Variants in RAD23B observed in about 807,000 individuals in gnomAD.
RAD23B encodes the protein RAD23 nucleotide excision repair protein B, also known as lysine-specific demethylase RAD23B.
Under a neutral mutation model 49.1 loss-of-function variants are expected in RAD23B, and 5 were observed. The ratio of observed to expected loss-of-function variants is 0.10; its 90% confidence interval spans 0.05 to 0.21. The LOEUF is 0.21. Among genes scored for constraint, RAD23B ranks in the 10% least tolerant of loss-of-function variants. RAD23B has a pLI of 1.00. For missense variants in RAD23B, 356 were observed against 486.7 expected, an observed-to-expected ratio of 0.73 and a Z score of 2.53; for synonymous variants, 184 against 165.4, an observed-to-expected ratio of 1.11 and a Z score of -0.86.
chr9:107,315,986 C>G (rs918853349), intron 5 of RAD23B, among the ~76,000 whole-genome samples: 18 of 151,692 alleles, frequency 1.2e-4, no homozygotes, highest in African/African-American at 4.1e-4. Context: ...GTGTTTGTAT[C>G]TCTGCACCAT....
In RAD23B at chr9:107,298,997, A is replaced by G. The variant is rs142446051; in HGVS notation, c.67-1144A>G. Among the ~76,000 whole-genome samples the G allele has an allele frequency of 1.5e-3, 230 of 152,246 alleles. 1 individual carries two copies. Among genetic ancestry groups the G allele is most frequent in the African/African-American group, 5.1e-3 (214 of 41,560 alleles). ...AAGATCAGTGCAGCAAGGAAGGTTTATATGGTATTTGCAAAATACTCTGCT... is the reference window on the plus strand; with the variant it reads ...AAGATCAGTGCAGCAAGGAAGGTTTGTATGGTATTTGCAAAATACTCTGCT... On this transcript the variant is annotated intron_variant, in intron 1 of 9. Transcript: ENST00000358015.
Position 107,332,006 on chromosome 9 carries a change from T to C in RAD23B, c.*2350T>C. On this transcript the variant is annotated 3_prime_UTR_variant, in exon 10 of 10. Transcript: ENST00000358015. ...TATACTGTCATTTCTTGAAATCTTT[T>C]TCTCGTTTAGTTGCTCTGTGGGAAA... The C allele has an allele frequency of 2.6e-6, 1 of 382,992 alleles. No homozygotes were observed. The highest frequency in any genetic ancestry group is 4.6e-6 in the Non-Finnish European group (1 of 217,086). The allele number at this position is 382,992 out of a possible 1,614,324, so 23.7% of individuals were successfully genotyped here. A position where few individuals can be genotyped will look rare whatever the true frequency, so the allele number is the denominator to read the frequency against.
intron 1 of RAD23B, among the ~76,000 whole-genome samples, chr9:107,288,378 G>A (rs1833317843): frequency 6.6e-6 from 1 of 152,228 alleles, no homozygotes; most frequent in Non-Finnish European, 1.5e-5. Flanking sequence ...AATGGTAAGT[G>A]CTATGCAGAA....
At chr9:107,323,848 GTATTTAC>G (rs1564252588) in intron 7 of RAD23B, 35 bp from the exon 8 acceptor site, 1 of 1,537,046 alleles carries the variant, frequency 6.5e-7, no homozygotes, top group African/African-American at 1.4e-5. Context: ...GTTTGTGTAT[GTATTTAC>G]TGCTTTTGTT....
intron 5 of RAD23B, among the ~76,000 whole-genome samples, chr9:107,314,040 C>CCTTAGT (rs1826942785): frequency 6.6e-6 from 1 of 152,002 alleles, no homozygotes; most frequent in African/African-American, 2.4e-5. Flanking sequence ...CATTTAGTTG[C>CCTTAGT]CTTAGTTCAG....
At chr9:107,321,253 CTTTAA>C (rs1827105438) in intron 6 of RAD23B, among the ~76,000 whole-genome samples, 2 of 908 alleles carry the variant, frequency 2.2e-3, no homozygotes, top group African/African-American at 0.011. Context: ...TTTTGAGATA[CTTTAA>C]GTATCTCATT....
chr9:107,307,463 G>A (rs1474680974), intron 4 of RAD23B, among the ~76,000 whole-genome samples: 1 of 152,208 alleles, frequency 6.6e-6, no homozygotes, highest in Non-Finnish European at 1.5e-5. Flanking sequence ...AAGAGCATGA[G>A]TTATATTATG....
intron 7 of RAD23B, among the ~76,000 whole-genome samples, chr9:107,323,490 A>T (rs1026804696): frequency 2.0e-5 from 3 of 152,120 alleles, no homozygotes; most frequent in Non-Finnish European, 2.9e-5. Flanking sequence ...TTATAAAGTA[A>T]GTGAGTTTTT....
chr9:107,311,794 C>A, intron 5 of RAD23B, 57 bp downstream of exon 5: 1 of 1,289,694 alleles, frequency 7.8e-7, no homozygotes, highest in Non-Finnish European at 1.1e-6. Flanking sequence ...AGAGGTTTCA[C>A]TTTTCTAGAT....
intron 4 of RAD23B, among the ~76,000 whole-genome samples, chr9:107,308,139 AGT>A (rs1241463329): frequency 1.3e-5 from 2 of 151,594 alleles, no homozygotes; most frequent in African/African-American, 4.8e-5. Flanking sequence ...AAAAGCTTAC[AGT>A]GTGAGAATTT....
In RAD23B at chr9:107,329,693, C is replaced by A; in HGVS notation, c.*37C>A. 8.2e-7 allele frequency: 1 copy of A among 1,218,052 alleles called. No individual in the cohort carries two copies. The highest frequency in any genetic ancestry group is 1.2e-6 in the Non-Finnish European group (1 of 866,928). The allele number at this position is 1,218,052 out of a possible 1,614,324, so 75.5% of individuals were successfully genotyped here. A position where few individuals can be genotyped will look rare whatever the true frequency, so the allele number is the denominator to read the frequency against. Reference sequence around the variant, plus strand: ...TTATATCTCACACTTCACACCAGTGCATTACACTAACTTGTTCACTGGATT... The same window carrying A: ...TTATATCTCACACTTCACACCAGTGAATTACACTAACTTGTTCACTGGATT... On this transcript the variant is annotated 3_prime_UTR_variant, in exon 10 of 10. Transcript: ENST00000358015.
chr9:107,319,153 C>T (rs1357495643), intron 6 of RAD23B, among the ~76,000 whole-genome samples: 10 of 57,564 alleles, frequency 1.7e-4, no homozygotes, highest in South Asian at 1.1e-3. Flanking sequence ...TTTTTTGAGA[C>T]GGAGTCTCGC....
chr9:107,311,623 A>C (rs1257459358), intron 4 of RAD23B, 59 bp from the exon 5 acceptor site: 3 of 1,209,252 alleles, frequency 2.5e-6, no homozygotes, highest in Admixed American at 4.9e-5. Context: ...TTACTAAACT[A>C]ATGTAAATTA....
chr9:107,286,329 C>T (rs72736196), intron 1 of RAD23B, among the ~76,000 whole-genome samples: 8,989 of 152,194 alleles, frequency 0.059, 384 homozygotes, highest in South Asian at 0.12. Context: ...TGGTCTGGGG[C>T]TTCTGGGAGC....
At chr9:107,324,767 A>T in intron 8 of RAD23B, 67 bp from the exon 9 acceptor site, 10 of 1,411,782 alleles carry the variant, frequency 7.1e-6, no homozygotes, top group Non-Finnish European at 9.5e-6. Context: ...AATATTTAGA[A>T]TTTCTCTGTT....
Position 107,283,580 on chromosome 9 carries a change from A to G in RAD23B, c.-50A>G. On this transcript the variant is annotated 5_prime_UTR_variant, in exon 1 of 10. Coordinates refer to ENST00000358015, the MANE Select transcript of RAD23B (RefSeq NM_002874.5). ...CCCCGCCAGGCCACAGACCCCGCCCAGCGGCCAGCACCCGGCGCAGGCCCG... is the reference window on the plus strand; with the variant it reads ...CCCCGCCAGGCCACAGACCCCGCCCGGCGGCCAGCACCCGGCGCAGGCCCG... 1.4e-6 allele frequency: 2 copies of G among 1,430,438 alleles called. No homozygotes were observed. The highest frequency in any genetic ancestry group is 1.9e-6 in the Non-Finnish European group (2 of 1,076,386). The allele number at this position is 1,430,438 out of a possible 1,614,324, so 88.6% of individuals were successfully genotyped here.
chr9:107,290,191 G>A (rs989935999), intron 1 of RAD23B, among the ~76,000 whole-genome samples: 3 of 152,268 alleles, frequency 2.0e-5, no homozygotes, highest in Admixed American at 6.5e-5. Flanking sequence ...AGGTCCTACC[G>A]TAGCTACCTA....
At chr9:107,324,109 T>A in intron 8 of RAD23B, 92 bp downstream of exon 8, 1 of 1,301,534 alleles carries the variant, frequency 7.7e-7, no homozygotes, top group Non-Finnish European at 1.1e-6. Context: ...CAAATACAAC[T>A]CTGTATTTGA....
At chr9:107,289,990 A>G (rs1833349182) in intron 1 of RAD23B, among the ~76,000 whole-genome samples, 1 of 152,182 alleles carries the variant, frequency 6.6e-6, no homozygotes, top group African/African-American at 2.4e-5. Context: ...ACTAAGGAAC[A>G]TTAAGGCACA....
Sources: gnomAD v4.1 joint callset for allele counts (sites outside exome capture counted in the v4.1 genomes callset) on GRCh38, gnomAD v4.1.1 for gene constraint, MANE v1.5 for transcripts, NCBI Gene and HGNC (gene_info 2026-07-23, HGNC 2026-07-21) for gene names.